The following PPT1 variants were observed in gnomAD, a reference collection of about 807,000 sequenced individuals.
PPT1 encodes the protein palmitoyl-protein thioesterase 1, also known as ceroid-palmitoyl-palmitoyl-protein thioesterase 1.
A neutral mutation model predicts 44.0 loss-of-function variants in PPT1; 24 were observed. The ratio of observed to expected loss-of-function variants is 0.54; its 90% confidence interval spans 0.39 to 0.77. PPT1 has a LOEUF of 0.77. PPT1 is among the 30% of genes least tolerant of loss of function. PPT1 has a pLI of 0.00. For synonymous variants in PPT1, 148 were observed against 140.2 expected, an observed-to-expected ratio of 1.06 and a Z score of -0.39; for missense variants, 341 against 378.8, an observed-to-expected ratio of 0.90 and a Z score of 0.83.
At chr1:40,074,469 T>C (rs1355637713) in intron 8 of PPT1, among the ~76,000 whole-genome samples, 2 of 134,612 alleles carry the variant, frequency 1.5e-5, no homozygotes, top group African/African-American at 5.7e-5. Context: ...CTGTCTCTCT[T>C]TCTCTTTCTT....
intron 5 of PPT1, among the ~76,000 whole-genome samples, chr1:40,087,960 A>G (rs1357674620): frequency 6.6e-6 from 1 of 152,154 alleles, no homozygotes; most frequent in Non-Finnish European, 1.5e-5. Context: ...AAAGACAGCT[A>G]TTAGCTGTAG....
At chr1:40,081,905 TTCTA>T (rs1462867626) in intron 5 of PPT1, among the ~76,000 whole-genome samples, 1 of 152,152 alleles carries the variant, frequency 6.6e-6, no homozygotes, top group Admixed American at 6.5e-5. Flanking sequence ...GCTTGGAACT[TTCTA>T]GAGACTTGTT....
In PPT1 at chr1:40,072,953, G is replaced by A. The variant is rs1648321524; in HGVS notation, c.*1108C>T. The A allele has an allele frequency of 6.6e-6, 1 of 152,162 alleles. No individual in the cohort carries two copies. Among genetic ancestry groups the A allele is most frequent in the African/African-American group, 2.4e-5 (1 of 41,432 alleles). 9.4% of individuals were successfully genotyped at this position (152,162 alleles called of 1,614,324 possible). Reference sequence around the variant, plus strand: ...AAAAGCGTTAAGTTTTCACAGAGTGGGGACTATGATTTCCATGCTCAAATA... The same window carrying A: ...AAAAGCGTTAAGTTTTCACAGAGTGAGGACTATGATTTCCATGCTCAAATA... On this transcript the variant is annotated 3_prime_UTR_variant, in exon 9 of 9. Transcript: ENST00000642050.
chr1:40,073,289 G>T lies in PPT1; in HGVS notation c.*772C>A, dbSNP rs1648369184. ...AAGACCACTAGTCATATTAAGAAAGGGCAGGTTGGTCGAGAATGGAATAGG... is the reference window on the plus strand; with the variant it reads ...AAGACCACTAGTCATATTAAGAAAGTGCAGGTTGGTCGAGAATGGAATAGG... On this transcript the variant is annotated 3_prime_UTR_variant, in exon 9 of 9. Coordinates refer to ENST00000642050, the MANE Select transcript of PPT1 (RefSeq NM_000310.4). The T allele has an allele frequency of 6.6e-6, 1 of 152,270 alleles. No individual in the cohort carries two copies. The highest frequency in any genetic ancestry group is 2.4e-5 in the African/African-American group (1 of 41,438). The allele number at this position is 152,270 out of a possible 1,614,324, so 9.4% of individuals were successfully genotyped here. A position where few individuals can be genotyped will look rare whatever the true frequency, so the allele number is the denominator to read the frequency against.
chr1:40,072,004 C>T (rs922364764), downstream of PPT1: 12 of 407,028 alleles, frequency 2.9e-5, no homozygotes, highest in South Asian at 3.2e-4. Context: ...TGTTGACAAG[C>T]GAGGCAAGGG....
At chr1:40,086,151 G>A (rs1649248465) in intron 5 of PPT1, among the ~76,000 whole-genome samples, 1 of 152,206 alleles carries the variant, frequency 6.6e-6, no homozygotes, top group Non-Finnish European at 1.5e-5. Flanking sequence ...CTTCCTCTGA[G>A]CTGGTACGGG....
intron 8 of PPT1, 93 bp downstream of exon 8, chr1:40,076,749 A>G: frequency 2.5e-6 from 4 of 1,605,884 alleles, no homozygotes; most frequent in Non-Finnish European, 3.4e-6. Flanking sequence ...TGAGGTGTAA[A>G]GGAAAGGGCT....
Position 40,092,454 on chromosome 1 carries a change from TCTC to T in PPT1, c.175_177del (p.Glu59del), listed in dbSNP as rs1553167495. The T allele has an allele frequency of 6.2e-7, 1 of 1,613,952 alleles. No homozygotes were observed. The highest frequency in any genetic ancestry group is 1.3e-5 in the African/African-American group (1 of 74,928). On this transcript the variant is annotated inframe_deletion, in exon 2 of 9. Coordinates refer to ENST00000642050, the MANE Select transcript of PPT1 (RefSeq NM_000310.4). ...AAGACGTAAATTCCAGGTATTTTCTTCTCCACCATTTTTTTAATAGCACCCATG... is the reference window on the plus strand; with the variant it reads ...AAGACGTAAATTCCAGGTATTTTCTTCACCATTTTTTTAATAGCACCCATG...
chr1:40,072,152 T>C, downstream of PPT1: 2 of 399,140 alleles, frequency 5.0e-6, no homozygotes, highest in African/African-American at 2.1e-5. Flanking sequence ...TACTAGCTGC[T>C]GTAGCAGTGC....
chr1:40,095,175 T>G (rs1273057659), intron 1 of PPT1, among the ~76,000 whole-genome samples: 2 of 152,236 alleles, frequency 1.3e-5, no homozygotes, highest in African/African-American at 4.8e-5. Flanking sequence ...TTGATGCAGT[T>G]GATCATGCCC....
intron 5 of PPT1, among the ~76,000 whole-genome samples, chr1:40,088,076 C>T (rs1173223685): frequency 6.6e-6 from 1 of 152,012 alleles, no homozygotes; most frequent in Non-Finnish European, 1.5e-5. Flanking sequence ...ACTTGGAAAA[C>T]CCACAGGATA....
At chr1:40,074,214 A>AAG in intron 8 of PPT1, 31 bp from the exon 9 acceptor site, 1 of 1,613,416 alleles carries the variant, frequency 6.2e-7, no homozygotes, top group African/African-American at 1.3e-5. Context: ...ATTAATTAAA[A>AAG]AGCTTAATGA....
At chr1:40,081,283 C>G (rs1354580480) in intron 5 of PPT1, among the ~76,000 whole-genome samples, 1 of 152,104 alleles carries the variant, frequency 6.6e-6, no homozygotes, top group Non-Finnish European at 1.5e-5. Context: ...TGCTTATAAT[C>G]CCAGCACTTT....
chr1:40,073,764 C>G lies in PPT1; in HGVS notation c.*297G>C, dbSNP rs1206947183. The G allele has an allele frequency of 2.5e-6, 1 of 397,190 alleles. No individual in the cohort carries two copies. The highest frequency in any genetic ancestry group is 2.1e-5 in the African/African-American group (1 of 48,774). The allele number at this position is 397,190 out of a possible 1,614,324, so 24.6% of individuals were successfully genotyped here. ...GTTAGTTGTCTCCTTTGGGCCTGGG[C>G]ACAGTTCTGGCACTGATCTGGAACA... On this transcript the variant is annotated 3_prime_UTR_variant, in exon 9 of 9. Transcript: ENST00000642050.
chr1:40,092,034 A>G lies in PPT1; in HGVS notation c.362+11T>C. ...CATATAAGTGGTACAATATAACAAA[A>G]AGGAACGTACAGAAATTGGCCTCCC... On this transcript the variant is annotated intron_variant, in intron 3 of 8. Transcript: ENST00000642050. The G allele has an allele frequency of 6.2e-7, 1 of 1,613,986 alleles. No individual in the cohort carries two copies. The highest frequency in any genetic ancestry group is 8.5e-7 in the Non-Finnish European group (1 of 1,179,930).
At chr1:40,084,470 A>C (rs1649149448) in intron 5 of PPT1, among the ~76,000 whole-genome samples, 1 of 152,176 alleles carries the variant, frequency 6.6e-6, no homozygotes, top group Non-Finnish European at 1.5e-5. Flanking sequence ...AATGCTACCA[A>C]ATAGCATCGC....
rs1217785380 is a variant in PPT1, at chr1:40,082,979, G to C, written c.537-2492C>G. ...TGACTTGAAGCTGAAGCCAATGCTG[G>C]GTTACCATTTTTTAAATCCTAGGGC... On this transcript the variant is annotated intron_variant, in intron 5 of 8. Coordinates refer to ENST00000642050, the MANE Select transcript of PPT1 (RefSeq NM_000310.4). Among the ~76,000 whole-genome samples, 3 of 152,126 alleles carry C rather than the reference G, an allele frequency of 2.0e-5. No individual in the cohort carries two copies. In the East Asian group the frequency reaches 5.8e-4, roughly 29 times the overall value.
At chr1:40,085,957 A>C (rs74071246) in intron 5 of PPT1, among the ~76,000 whole-genome samples, 44 of 152,322 alleles carry the variant, frequency 2.9e-4, no homozygotes, top group African/African-American at 1.0e-3. Context: ...TAGATGCCTT[A>C]ATATTTCCAG....
intron 5 of PPT1, among the ~76,000 whole-genome samples, chr1:40,089,157 C>T (rs1040485623): frequency 6.6e-5 from 10 of 151,980 alleles, no homozygotes; most frequent in African/African-American, 2.4e-4. Context: ...CGTAGTGGCG[C>T]ATGCCTGTAA....
Sources: gnomAD v4.1 joint callset for allele counts (sites outside exome capture counted in the v4.1 genomes callset) on GRCh38, gnomAD v4.1.1 for gene constraint, MANE v1.5 for transcripts, NCBI Gene and HGNC (gene_info 2026-07-23, HGNC 2026-07-21) for gene names.